Variants in NAA25 observed in about 807,000 individuals in gnomAD.
NAA25 encodes N-alpha-acetyltransferase 25, NatB auxiliary subunit.
In NAA25, 30 loss-of-function variants were observed where a neutral mutation model predicts 132.5. The observed-to-expected ratio is 0.23, with a 90% CI of 0.17 to 0.31. NAA25 has a LOEUF of 0.31. Ranked by LOEUF, NAA25 falls within the 10% of genes least tolerant of loss-of-function variation. NAA25 has a pLI of 1.00. For missense variants in NAA25, 771 were observed against 1,150.4 expected, an observed-to-expected ratio of 0.67 and a Z score of 4.77; for synonymous variants, 359 against 401.9, an observed-to-expected ratio of 0.89 and a Z score of 1.28.
At chr12:112,092,185 G>A (rs569884298) in intron 2 of NAA25, among the ~76,000 whole-genome samples, 1 of 151,138 alleles carries the variant, frequency 6.6e-6, no homozygotes, top group Admixed American at 6.6e-5. Flanking sequence ...AGGTTGCAGT[G>A]AGCCAATATC....
rs1566021324 is a variant in NAA25 at position 112,075,806 on chromosome 12, T to C, written c.665-17A>G. 3 of 1,601,442 alleles carry C rather than the reference T, an allele frequency of 1.9e-6. No homozygotes were observed. The highest frequency in any genetic ancestry group is 8.6e-7 in the Non-Finnish European group (1 of 1,168,756). On this transcript the variant is annotated splice_polypyrimidine_tract_variant and intron_variant, in intron 7 of 23. Coordinates refer to ENST00000261745, the MANE Select transcript of NAA25 (RefSeq NM_024953.4). Reference sequence around the variant, plus strand: ...TCAACTTCTCTAAAATCAAAAGTTATAAAAGTTGGTAAGCTGGTTTCATTT... The same window carrying C: ...TCAACTTCTCTAAAATCAAAAGTTACAAAAGTTGGTAAGCTGGTTTCATTT...
intron 1 of NAA25, among the ~76,000 whole-genome samples, chr12:112,100,099 T>C (rs1162559847): frequency 2.0e-5 from 3 of 152,196 alleles, no homozygotes; most frequent in South Asian, 2.1e-4. Flanking sequence ...ATGTGCAAGA[T>C]TGCAAGGGAC....
Position 112,043,825 on chromosome 12 carries a change from T to C in NAA25, c.2050A>G (p.Thr684Ala). ...AAGGATCGGATTCTTAACCACAAGG[T>C]CTCCTCCTCTAAGGAAAGTTTCTTA... ...EHKKLSLEEE[T>A]LWLRIRSLTL... The change falls in exon 18 of 24, where the codon ACC becomes GCC. Residue 684 changes from threonine to alanine, a missense_variant. Physicochemically the swap from Thr to Ala is moderately conservative, Grantham distance 58. This residue lies in a region of NAA25 where 324 missense variants were observed against 400.0 expected (regional missense o/e 0.81). Transcript: ENST00000261745. 6.2e-7 allele frequency: 1 copy of C among 1,613,968 alleles called. No individual in the cohort carries two copies. The highest frequency in any genetic ancestry group is 8.5e-7 in the Non-Finnish European group (1 of 1,179,936).
chr12:112,078,809 G>T (rs748416647), intron 5 of NAA25, 68 bp from the exon 6 acceptor site: 2 of 1,224,914 alleles, frequency 1.6e-6, no homozygotes, highest in Non-Finnish European at 2.4e-6. Context: ...TAACATTACT[G>T]TTAATTGGGC....
Position 112,061,281 on chromosome 12 carries a change from C to T in NAA25, c.1257G>A (p.Gln419=), listed in dbSNP as rs1352603811. ...RALQQHLCVV[Q]LTRLLGLYHT... is the part of the protein sequence containing the mutation. ...GGTACAAGCCAAGTAACCTCGTCAGCTGCACCACACACAAATGTTGCTGCA... is the reference window on the plus strand; with the variant it reads ...GGTACAAGCCAAGTAACCTCGTCAGTTGCACCACACACAAATGTTGCTGCA... Residue 419 remains glutamine (Q), a synonymous_variant, in exon 12 of 24, where the codon CAG becomes CAA. Coordinates refer to ENST00000261745, the MANE Select transcript of NAA25 (RefSeq NM_024953.4). 2 of 1,614,022 alleles carry T rather than the reference C, an allele frequency of 1.2e-6. No homozygotes were observed. Among genetic ancestry groups the T allele is most frequent in the African/African-American group, 2.7e-5 (2 of 74,910 alleles).
At chr12:112,092,987 T>A (rs1035817727) in intron 2 of NAA25, 64 bp downstream of exon 2, 10 of 1,213,092 alleles carry the variant, frequency 8.2e-6, no homozygotes, top group Non-Finnish European at 8.3e-6. Flanking sequence ...TCCTTTCTCT[T>A]TAAGGTAAGG....
At chr12:112,078,134 T>A (rs2078919510) in intron 7 of NAA25, 54 bp downstream of exon 7, 2 of 1,267,532 alleles carry the variant, frequency 1.6e-6, no homozygotes, top group African/African-American at 3.0e-5. Flanking sequence ...AATAAACATT[T>A]TTCATGTTTA....
At chr12:112,051,028 T>G (rs886453177) in intron 15 of NAA25, among the ~76,000 whole-genome samples, 11 of 152,128 alleles carry the variant, frequency 7.2e-5, no homozygotes, top group African/African-American at 2.2e-4. Flanking sequence ...AAAAGATGCA[T>G]AGTATAGAGC....
intron 22 of NAA25, among the ~76,000 whole-genome samples, chr12:112,037,104 G>A (rs1014696104): frequency 2.6e-5 from 4 of 151,494 alleles, no homozygotes; most frequent in South Asian, 2.1e-4. Flanking sequence ...TCCAGAAAGC[G>A]CCCTAAAACT....
chr12:112,041,336 C>T (rs75645582), intron 20 of NAA25, among the ~76,000 whole-genome samples: 13,954 of 151,738 alleles, frequency 0.092, 702 homozygotes, highest in East Asian at 0.23. Flanking sequence ...TACAGGAGCC[C>T]GCCACCACAC....
intron 10 of NAA25, among the ~76,000 whole-genome samples, chr12:112,069,475 C>T (rs938444101): frequency 1.3e-5 from 2 of 152,072 alleles, no homozygotes; most frequent in Non-Finnish European, 2.9e-5. Flanking sequence ...TGCACTCCAT[C>T]CTGAGCAACA....
At position 112,041,157 on chromosome 12, in the gene NAA25, GA is replaced by G. The variant is rs570526707; in HGVS notation, c.2441-580del. ...ACAACAAGACCTCATTTCTTGGGGG[GA>G]AAAAAAAAATCATTTAGGGTCCTAA... is the stretch of plus-strand genomic sequence containing the variant. On this transcript the variant is annotated intron_variant, in intron 20 of 23. Transcript: ENST00000261745. Among the ~76,000 whole-genome samples the G allele has an allele frequency of 6.7e-3, 962 of 143,722 alleles. 23 individuals are homozygous for G. Among genetic ancestry groups the G allele is most frequent in the Admixed American group, 0.047 (679 of 14,460 alleles). The allele number at this position is 143,722 out of a possible 152,430, so 94.3% of individuals were successfully genotyped here.
intron 1 of NAA25, among the ~76,000 whole-genome samples, chr12:112,106,953 T>C (rs1425370420): frequency 1.4e-5 from 1 of 69,636 alleles, no homozygotes; most frequent in African/African-American, 6.5e-5. Flanking sequence ...TGAGACTGTC[T>C]CCAAAAAAAA....
At chr12:112,101,752 A>G (rs1206742533) in intron 1 of NAA25, among the ~76,000 whole-genome samples, 4 of 151,748 alleles carry the variant, frequency 2.6e-5, no homozygotes, top group Admixed American at 2.0e-4. Flanking sequence ...GTGAGACTGC[A>G]TCTTAAAAAA....
At chr12:112,051,856 T>C (rs114302595) in intron 15 of NAA25, among the ~76,000 whole-genome samples, 1 of 152,196 alleles carries the variant, frequency 6.6e-6, no homozygotes, top group Non-Finnish European at 1.5e-5. Flanking sequence ...GACACAATAT[T>C]TGTGGGAAAA....
intron 12 of NAA25, 142 bp downstream of exon 12, chr12:112,061,039 C>G (rs1195403905): frequency 4.7e-6 from 3 of 637,236 alleles, no homozygotes; most frequent in Non-Finnish European, 8.2e-6. Flanking sequence ...GGCTTTACAT[C>G]ATATTACTTA....
At chr12:112,060,743 TCAGA>T (rs1477878951) in intron 12 of NAA25, among the ~76,000 whole-genome samples, 1 of 152,228 alleles carries the variant, frequency 6.6e-6, no homozygotes, top group Non-Finnish European at 1.5e-5. Context: ...CATCTTATAG[TCAGA>T]CAATTATATG....
At chr12:112,092,486 G>A (rs892880514) in intron 2 of NAA25, among the ~76,000 whole-genome samples, 1 of 152,044 alleles carries the variant, frequency 6.6e-6, no homozygotes, top group Non-Finnish European at 1.5e-5. Context: ...AATTAGCTGG[G>A]TGTGGTGGCG....
At chr12:112,040,620 C>A in intron 20 of NAA25, 42 bp from the exon 21 acceptor site, 1 of 1,074,064 alleles carries the variant, frequency 9.3e-7, no homozygotes, top group Non-Finnish European at 1.4e-6. Flanking sequence ...GCTTTTGTTT[C>A]AATGCTATTT....
Sources: gnomAD v4.1 joint callset for allele counts (sites outside exome capture counted in the v4.1 genomes callset) on GRCh38, gnomAD v4.1.1 for gene constraint, gnomAD v4.1.1 regional missense constraint, MANE v1.5 for transcripts, NCBI Gene and HGNC (gene_info 2026-07-23, HGNC 2026-07-21) for gene names.